MICALL1: variants seen among roughly 807,000 people sequenced by gnomAD.
MICALL1 encodes MICAL-like protein 1.
MICALL1 carries 61 observed loss-of-function variants against 83.7 expected under a neutral mutation model. That is an observed-to-expected ratio of 0.73 (90% confidence interval 0.59 to 0.90). The LOEUF is 0.90. Among genes scored for constraint, MICALL1 ranks in the 40% least tolerant of loss-of-function variants. The probability of loss-of-function intolerance (pLI) is 0.00; values close to 1 mark genes in which losing one functional copy is unlikely to be tolerated. For synonymous variants in MICALL1, 481 were observed against 473.6 expected, an observed-to-expected ratio of 1.02 and a Z score of -0.20; for missense variants, 1,066 against 1,152.0, an observed-to-expected ratio of 0.93 and a Z score of 1.08.
Position 37,933,092 on chromosome 22 carries a change from G to C in MICALL1, c.2288G>C (p.Arg763Pro). The C allele has an allele frequency of 6.2e-7, 1 of 1,613,890 alleles. No individual in the cohort carries two copies. The highest frequency in any genetic ancestry group is 1.1e-5 in the South Asian group (1 of 91,082). ...CAGGCTGATGTCGAGTATGAGCTCC[G>C]GTGCCTCCTCAATAAGCCAGGTGAG... Reference protein sequence around the residue: ...QRQADVEYELRCLLNKPEKDW... With the variant: ...QRQADVEYELPCLLNKPEKDW... Residue 763 changes from arginine to proline, a missense_variant, in exon 13 of 16, where the codon CGG becomes CCG. Coordinates refer to ENST00000215957, the MANE Select transcript of MICALL1 (RefSeq NM_033386.4).
chr22:37,922,210 C>A lies in MICALL1; in HGVS notation c.808C>A (p.Pro270Thr). The change falls in exon 6 of 16, where the codon CCC becomes ACC. Residue 270 changes from proline to threonine, a missense_variant. Coordinates refer to ENST00000215957, the MANE Select transcript of MICALL1 (RefSeq NM_033386.4). Reference sequence around the variant, plus strand: ...TCCTGCAGGGGCTGAGGCCGATGGACCCAAGGCCAGCCCTGAGGCCCGGCC... The same window carrying A: ...TCCTGCAGGGGCTGAGGCCGATGGAACCAAGGCCAGCCCTGAGGCCCGGCC... ...SAPAGAEADG[P>T]KASPEARPQI... is the part of the protein sequence containing the mutation. The A allele has an allele frequency of 6.2e-7, 1 of 1,611,498 alleles. No individual in the cohort carries two copies. The highest frequency in any genetic ancestry group is 8.5e-7 in the Non-Finnish European group (1 of 1,179,434).
intron 7 of MICALL1, 140 bp from the exon 8 acceptor site, chr22:37,925,521 C>A (rs373804605): frequency 9.6e-6 from 6 of 626,670 alleles, no homozygotes; most frequent in East Asian, 8.2e-5. Context: ...TCAGACTGTC[C>A]CCATGGGGAT....
chr22:37,931,904 G>T lies in MICALL1; in HGVS notation c.1987G>T (p.Gly663Ter), dbSNP rs1022236858. The T allele has an allele frequency of 1.2e-5, 20 of 1,614,084 alleles. No homozygotes were observed. The highest frequency in any genetic ancestry group is 1.7e-5 in the Non-Finnish European group (20 of 1,179,996). ...CAAGCCAGTGAGGCCACCTGCCCCT[G>T]GACACGGCTTTCCACTCATCAAACG... The part of the protein sequence containing the change: ...GSKPVRPPAP[G>*]HGFPLIKRKV... The change falls in exon 10 of 16, where the codon GGA (glycine) becomes TGA (stop). Residue 663 changes from glycine to a stop codon, truncating the protein, a stop_gained. Transcript: ENST00000215957. LOFTEE classifies it high-confidence loss of function.
At chr22:37,911,362 G>C (rs1000533392) in intron 1 of MICALL1, among the ~76,000 whole-genome samples, 2 of 152,228 alleles carry the variant, frequency 1.3e-5, no homozygotes, top group Non-Finnish European at 2.9e-5. Flanking sequence ...TTGGGATGCA[G>C]CAAGTTGGTG....
chr22:37,927,409 A>T lies in MICALL1; in HGVS notation c.1466-2A>T, dbSNP rs1929515606. ...GAGGTGTCCTGGTGCTCGTCCGCACAGCTCTCCACGCCTCCCGCCTCTCGC... is the reference window on the plus strand; with the variant it reads ...GAGGTGTCCTGGTGCTCGTCCGCACTGCTCTCCACGCCTCCCGCCTCTCGC... On this transcript the variant is annotated splice_acceptor_variant, in intron 8 of 15. Transcript: ENST00000215957. LOFTEE classifies it high-confidence loss of function. 6.4e-7 allele frequency: 1 copy of T among 1,573,864 alleles called. No homozygotes were observed. Among genetic ancestry groups the T allele is most frequent in the South Asian group, 1.1e-5 (1 of 89,212 alleles).
rs1224699198 is a variant in MICALL1, at chr22:37,924,531, C to A, written c.1025-129C>A. 6.0e-6 allele frequency: 5 copies of A among 835,394 alleles called. No homozygotes were observed. Among genetic ancestry groups the A allele is most frequent in the Non-Finnish European group, 9.5e-6 (5 of 525,280 alleles). 51.7% of individuals were successfully genotyped at this position (835,394 alleles called of 1,614,324 possible). On this transcript the variant is annotated intron_variant, in intron 6 of 15. Transcript: ENST00000215957. The surrounding 1 kb of genome is among the most constrained non-coding windows in gnomAD (Gnocchi z 5.2). Reference sequence around the variant, plus strand: ...TGCTTATCTAATCTCCATGGGCTGGCCTGGGGAGGTGCGAGGGTGCCAGGA... The same window carrying A: ...TGCTTATCTAATCTCCATGGGCTGGACTGGGGAGGTGCGAGGGTGCCAGGA...
At chr22:37,922,687 G>A (rs1929151157) in intron 6 of MICALL1, among the ~76,000 whole-genome samples, 2 of 132,870 alleles carry the variant, frequency 1.5e-5, no homozygotes, top group Admixed American at 8.4e-5. Flanking sequence ...TCGGCTCACT[G>A]CAACTTCCAC....
At chr22:37,925,572 CT>C in intron 7 of MICALL1, 88 bp from the exon 8 acceptor site, 1 of 864,504 alleles carries the variant, frequency 1.2e-6, no homozygotes, top group Non-Finnish European at 1.8e-6. Context: ...CATCCACCCC[CT>C]TTGAAGTAGA....
rs1929549262 is a variant in MICALL1 at position 37,927,689 on chromosome 22, G to A, written c.1744G>A (p.Ala582Thr). 1 of 1,614,108 alleles carries A rather than the reference G, an allele frequency of 6.2e-7. No individual in the cohort carries two copies. Among genetic ancestry groups the A allele is most frequent in the South Asian group, 1.1e-5 (1 of 91,084 alleles). Reference protein sequence around the residue: ...EQMPQASPGLAPRTRGSSGPQ... With the variant: ...EQMPQASPGLTPRTRGSSGPQ... ...AATGCCTCAAGCCAGCCCTGGCCTTGCCCCCAGGACCAGGGGCAGCTCAGG... is the reference window on the plus strand; with the variant it reads ...AATGCCTCAAGCCAGCCCTGGCCTTACCCCCAGGACCAGGGGCAGCTCAGG... Residue 582 changes from alanine to threonine, a missense_variant, in exon 9 of 16, where the codon GCC becomes ACC. Ala to Thr is a moderately conservative substitution (Grantham distance 58). Coordinates refer to ENST00000215957, the MANE Select transcript of MICALL1 (RefSeq NM_033386.4).
rs1303357110 is a variant in MICALL1, at chr22:37,906,778, C to T, written c.146+210C>T. The T allele has an allele frequency of 1.3e-5, 3 of 230,160 alleles. No homozygotes were observed. The highest frequency in any genetic ancestry group is 1.2e-4 in the Admixed American group (2 of 17,256). The allele number at this position is 230,160 out of a possible 1,614,324, so 14.3% of individuals were successfully genotyped here. A position where few individuals can be genotyped will look rare whatever the true frequency, so the allele number is the denominator to read the frequency against. ...CCCGCCCGGCCGCCCTGACCCCGCC[C>T]GTGGGATCCCGAACTCTCCCCCGAG... On this transcript the variant is annotated intron_variant, in intron 1 of 15. Coordinates refer to ENST00000215957, the MANE Select transcript of MICALL1 (RefSeq NM_033386.4). The surrounding 1 kb of genome is among the most constrained non-coding windows in gnomAD (Gnocchi z 4.4).
Position 37,924,813 on chromosome 22 carries a change from A to ATGGGC in MICALL1, c.1082+97_1082+101dup. On this transcript the variant is annotated intron_variant, in intron 7 of 15. Coordinates refer to ENST00000215957, the MANE Select transcript of MICALL1 (RefSeq NM_033386.4). This position sits in a 1 kb window ranked among gnomAD's most constrained non-coding sequence, Gnocchi z 5.2. ...GGGTAGGGAGAGAGGCTTCCTGTGGATGGGCAGGGCGGGGCTCAGGAGGGG... is the reference window on the plus strand; with the variant it reads ...GGGTAGGGAGAGAGGCTTCCTGTGGATGGGCTGGGCAGGGCGGGGCTCAGGAGGGG... The ATGGGC allele has an allele frequency of 7.8e-7, 1 of 1,279,396 alleles. No individual in the cohort carries two copies. The highest frequency in any genetic ancestry group is 1.1e-6 in the Non-Finnish European group (1 of 903,134). 79.3% of individuals were successfully genotyped at this position (1,279,396 alleles called of 1,614,324 possible). A position where few individuals can be genotyped will look rare whatever the true frequency, so the allele number is the denominator to read the frequency against.
intron 13 of MICALL1, among the ~76,000 whole-genome samples, chr22:37,935,043 C>T (rs1569149476): frequency 1.3e-5 from 2 of 150,154 alleles, no homozygotes; most frequent in African/African-American, 4.9e-5. Context: ...CACCATTCTC[C>T]TGCCTCAGCC....
chr22:37,912,451 A>T lies in MICALL1; in HGVS notation c.296A>T (p.Tyr99Phe), dbSNP rs866458588. Residue 99 changes from tyrosine (Y) to phenylalanine (F), a missense_variant, in exon 3 of 16, where the codon TAT becomes TTT. Transcript: ENST00000215957. ...SVPDCLSIMT[Y>F]VSQYYNHFCS... Reference sequence around the variant, plus strand: ...CCTGACTGCCTCAGCATCATGACCTATGTGTCCCAGTATTACAACCACTTC... The same window carrying T: ...CCTGACTGCCTCAGCATCATGACCTTTGTGTCCCAGTATTACAACCACTTC... 5.6e-6 allele frequency: 9 copies of T among 1,613,704 alleles called. No homozygotes were observed. Among genetic ancestry groups the T allele is most frequent in the Non-Finnish European group, 7.6e-6 (9 of 1,179,800 alleles).
chr22:37,922,355 C>T lies in MICALL1; in HGVS notation c.953C>T (p.Thr318Met), dbSNP rs565694573. ...ASESTTPAPPTPRPRSSLQQE... is the reference protein window; with the variant it reads ...ASESTTPAPPMPRPRSSLQQE... The stretch of plus-strand genomic sequence containing the variant: ...GAGAGCACCACCCCAGCACCCCCCA[C>T]GCCCCGGCCCCGCTCCAGTCTGCAG... The change falls in exon 6 of 16, where the codon ACG becomes ATG. Residue 318 changes from threonine to methionine, a missense_variant. Thr to Met is a moderately conservative substitution (Grantham distance 81). Coordinates refer to ENST00000215957, the MANE Select transcript of MICALL1 (RefSeq NM_033386.4). 24 of 1,530,186 alleles carry T rather than the reference C, an allele frequency of 1.6e-5. No individual in the cohort carries two copies. Among genetic ancestry groups the T allele is most frequent in the Admixed American group, 1.0e-4 (5 of 49,268 alleles). The allele number at this position is 1,530,186 out of a possible 1,614,324, so 94.8% of individuals were successfully genotyped here. A position where few individuals can be genotyped will look rare whatever the true frequency, so the allele number is the denominator to read the frequency against.
At chr22:37,934,689 C>G (rs1445576361) in intron 13 of MICALL1, among the ~76,000 whole-genome samples, 1 of 150,764 alleles carries the variant, frequency 6.6e-6, no homozygotes, top group Non-Finnish European at 1.5e-5. Context: ...CTCTGCCTCC[C>G]GGGTTCACGC....
chr22:37,922,945 ATTATTT>A (rs2145913958), intron 6 of MICALL1, among the ~76,000 whole-genome samples: 1 of 118,972 alleles, frequency 8.4e-6, no homozygotes, highest in East Asian at 2.5e-4. Context: ...GCCTATTATT[ATTATTT>A]TTGAGATGGA....
At position 37,942,604 on chromosome 22, in the gene MICALL1, C is replaced by T. The variant is rs1930486171; in HGVS notation, c.*1774C>T. 1 of 151,988 alleles carries T rather than the reference C, an allele frequency of 6.6e-6. No individual in the cohort carries two copies. Among genetic ancestry groups the T allele is most frequent in the South Asian group, 2.1e-4 (1 of 4,816 alleles). The allele number at this position is 151,988 out of a possible 1,614,324, so 9.4% of individuals were successfully genotyped here. A position where few individuals can be genotyped will look rare whatever the true frequency, so the allele number is the denominator to read the frequency against. The stretch of plus-strand genomic sequence containing the variant: ...GCAAGCTCCGCCTCCTGGGTTCACG[C>T]CATCCTCCTGCCTCGGCCTCCTGAG... On this transcript the variant is annotated 3_prime_UTR_variant, in exon 16 of 16. Coordinates refer to ENST00000215957, the MANE Select transcript of MICALL1 (RefSeq NM_033386.4).
Position 37,932,767 on chromosome 22 carries a change from GCC to G in MICALL1, c.2144-29_2144-28del. The stretch of plus-strand genomic sequence containing the variant: ...GGAACTGAGCCAGGCATGGCAGCCA[GCC>G]CTGGCCTCAGTGGGTATCTGGCTTC... On this transcript the variant is annotated intron_variant, in intron 11 of 15. Coordinates refer to ENST00000215957, the MANE Select transcript of MICALL1 (RefSeq NM_033386.4). The surrounding 1 kb of genome is among the most constrained non-coding windows in gnomAD (Gnocchi z 4.4). 1 of 1,613,870 alleles carries G rather than the reference GCC, an allele frequency of 6.2e-7. No individual in the cohort carries two copies. Among genetic ancestry groups the G allele is most frequent in the South Asian group, 1.1e-5 (1 of 91,068 alleles).
intron 8 of MICALL1, among the ~76,000 whole-genome samples, chr22:37,926,372 G>A (rs1369933941): frequency 8.5e-5 from 13 of 152,188 alleles, no homozygotes; most frequent in Admixed American, 2.0e-4. Flanking sequence ...GTCTAGTGGT[G>A]TGCTCAGTGC....
Sources: gnomAD v4.1 joint callset for allele counts (sites outside exome capture counted in the v4.1 genomes callset) on GRCh38, gnomAD v4.1.1 for gene constraint, Gnocchi (gnomAD v3.1) non-coding constraint, MANE v1.5 for transcripts, NCBI Gene and HGNC (gene_info 2026-07-23, HGNC 2026-07-21) for gene names.